Variants in KLHL35 observed in about 807,000 individuals in gnomAD.
KLHL35 encodes the protein kelch-like protein 35.
Under a neutral mutation model 44.0 loss-of-function variants are expected in KLHL35, and 50 were observed. The ratio of observed to expected loss-of-function variants is 1.14; its 90% CI spans 0.91 to 1.44. The LOEUF (loss-of-function observed/expected upper bound fraction) is 1.44. Among genes scored for constraint, KLHL35 ranks in the 40% most tolerant of loss-of-function variants. The probability of loss-of-function intolerance (pLI) is 0.00; values close to 1 mark genes in which losing one functional copy is unlikely to be tolerated. For missense variants in KLHL35, 1,049 were observed against 887.8 expected (o/e 1.18, Z -2.31); for synonymous variants, 470 against 410.4 (o/e 1.15, Z -1.76).
intron 1 of KLHL35, among the ~76,000 whole-genome samples, chr11:75,431,248 G>A (rs1948535026): frequency 6.6e-6 from 1 of 152,184 alleles, no homozygotes; most frequent in African/African-American, 2.4e-5. Context: ...GTAGGTGCTG[G>A]ACACTGACCA....
In KLHL35 at chr11:75,429,735, G is replaced by C. The variant is rs780771786; in HGVS notation, c.881+14C>G. ...AAGAACGGAGGGCGGGAAGCTAGGG[G>C]ATGGCGGCCCTACCTCCGCGGCCGG... On this transcript the variant is annotated intron_variant, in intron 2 of 6. Transcript: ENST00000539798. 16 of 1,444,466 alleles carry C rather than the reference G, an allele frequency of 1.1e-5. No homozygotes were observed. In the South Asian group the frequency reaches 1.5e-4, roughly 14 times the overall value. The allele number at this position is 1,444,466 out of a possible 1,614,324, so 89.5% of individuals were successfully genotyped here.
intron 1 of KLHL35, among the ~76,000 whole-genome samples, chr11:75,431,102 G>A (rs551747825): frequency 2.0e-5 from 3 of 152,146 alleles, no homozygotes; most frequent in Admixed American, 6.5e-5. Context: ...GGAGGGTCCC[G>A]TGACAGGAGC....
chr11:75,430,582 C>A lies in KLHL35; in HGVS notation c.48G>T (p.Ala16=). 6.9e-7 allele frequency: 1 copy of A among 1,445,102 alleles called. No homozygotes were observed. Among genetic ancestry groups the A allele is most frequent in the South Asian group, 1.4e-5 (1 of 73,872 alleles). 89.5% of individuals were successfully genotyped at this position (1,445,102 alleles called of 1,614,324 possible). Residue 16 remains alanine, a synonymous_variant, in exon 2 of 7, where the codon GCG becomes GCT. Coordinates refer to ENST00000539798, the MANE Select transcript of KLHL35 (RefSeq NM_001039548.3). The part of the protein sequence containing the change: ...APEESEPGCE[A]PCAGPCHAQR... ...GCGCGTGGCACGGACCCGCGCACGGCGCTTCGCAGCCCGGCTCCGACTCCT... is the reference window on the plus strand; with the variant it reads ...GCGCGTGGCACGGACCCGCGCACGGAGCTTCGCAGCCCGGCTCCGACTCCT...
At chr11:75,428,406 A>G (rs759264938) in intron 3 of KLHL35, 36 bp downstream of exon 3, 3 of 1,609,566 alleles carry the variant, frequency 1.9e-6, no homozygotes, top group African/African-American at 1.3e-5. Flanking sequence ...CTACTAGTCA[A>G]TCCCGTGTGA....
At chr11:75,428,971 T>A (rs1948512896) in intron 2 of KLHL35, among the ~76,000 whole-genome samples, 1 of 152,234 alleles carries the variant, frequency 6.6e-6, no homozygotes, top group Non-Finnish European at 1.5e-5. Flanking sequence ...GGGAGGAAAC[T>A]GAGGCTCACA....
At chr11:75,424,197 TCAACACA>T (rs1355915524) in intron 5 of KLHL35, 1 of 309,404 alleles carries the variant, frequency 3.2e-6, no homozygotes, top group Non-Finnish European at 6.0e-6. Context: ...CCCTCACCCC[TCAACACA>T]CACACACAGG....
At position 75,433,029 on chromosome 11, in the gene KLHL35, C is replaced by T. The variant is rs1220499391; in HGVS notation, c.-2+14G>A. Among the ~76,000 whole-genome samples the T allele has an allele frequency of 6.6e-6, 1 of 152,224 alleles. No homozygotes were observed. Among genetic ancestry groups the T allele is most frequent in the African/African-American group, 2.4e-5 (1 of 41,452 alleles). On this transcript the variant is annotated intron_variant, in intron 1 of 6. Transcript: ENST00000539798. ...CCTGCAGCCTAAGCCTTGCCCCATG[C>T]ACCTGGCACTTACCTGGCCATACCC...
chr11:75,429,155 T>G (rs1948513923), intron 2 of KLHL35, among the ~76,000 whole-genome samples: 1 of 152,234 alleles, frequency 6.6e-6, no homozygotes, highest in African/African-American at 2.4e-5. Context: ...TAACTCACCC[T>G]TTCAGTAAAT....
chr11:75,428,809 T>C (rs1007492135), intron 2 of KLHL35, among the ~76,000 whole-genome samples, 183 bp from the exon 3 acceptor site: 1 of 148,066 alleles, frequency 6.8e-6, no homozygotes, highest in African/African-American at 2.5e-5. Flanking sequence ...CTGTGGGTAC[T>C]GGGAAGAGAA....
rs1297602227 is a variant in KLHL35 at position 75,430,132 on chromosome 11, C to T, written c.498G>A (p.Ser166=). ...LALRRVAAAF[S]LAPLAERCGR... ...CGCAGCGCTCGGCCAGCGGGGCCAG[C>T]GAGAAGGCGGCGGCCACGCGGCGCA... Residue 166 remains serine, a synonymous_variant, in exon 2 of 7, where the codon TCG becomes TCA. Transcript: ENST00000539798. 2 of 1,262,220 alleles carry T rather than the reference C, an allele frequency of 1.6e-6. No homozygotes were observed. The highest frequency in any genetic ancestry group is 2.0e-6 in the Non-Finnish European group (2 of 1,007,662). The allele number at this position is 1,262,220 out of a possible 1,614,324, so 78.2% of individuals were successfully genotyped here.
Position 75,430,231 on chromosome 11 carries a change from C to A in KLHL35, c.399G>T (p.Leu133=). 2.6e-5 allele frequency: 32 copies of A among 1,219,888 alleles called. No individual in the cohort carries two copies. The highest frequency in any genetic ancestry group is 3.2e-5 in the Non-Finnish European group (31 of 976,856). The allele number at this position is 1,219,888 out of a possible 1,614,324, so 75.6% of individuals were successfully genotyped here. ...AAAVLALAER[L]GVAGLREACV... ...AGGCCTCGCGCAGGCCCGCCACGCC[C>A]AGCCGCTCCGCCAGCGCCAGCACGG... is the stretch of plus-strand genomic sequence containing the variant. The change falls in exon 2 of 7, where the codon CTG becomes CTT. Residue 133 remains leucine, a synonymous_variant. Transcript: ENST00000539798.
intron 2 of KLHL35, among the ~76,000 whole-genome samples, chr11:75,429,481 C>G (rs949965302): frequency 6.6e-5 from 10 of 152,180 alleles, no homozygotes; most frequent in African/African-American, 2.4e-4. Context: ...ATCCCGGCAC[C>G]CTGCACAGAA....
intron 3 of KLHL35, 142 bp downstream of exon 3, chr11:75,428,300 C>T (rs1051576758): frequency 3.3e-6 from 3 of 919,180 alleles, no homozygotes; most frequent in Non-Finnish European, 4.8e-6. Flanking sequence ...GCGTAGTTAG[C>T]CCTGCTCACT....
Position 75,430,252 on chromosome 11 carries a change from C to T in KLHL35, c.378G>A (p.Val126=). The change falls in exon 2 of 7, where the codon GTG becomes GTA. Residue 126 remains valine, a synonymous_variant. Coordinates refer to ENST00000539798, the MANE Select transcript of KLHL35 (RefSeq NM_001039548.3). ...RLRAEDEAAA[V]LALAERLGVA... The stretch of plus-strand genomic sequence containing the variant: ...CGCCCAGCCGCTCCGCCAGCGCCAG[C>T]ACGGCCGCCGCCTCGTCCTCCGCGC... 8.3e-7 allele frequency: 1 copy of T among 1,211,872 alleles called. No homozygotes were observed. The highest frequency in any genetic ancestry group is 1.0e-6 in the Non-Finnish European group (1 of 974,192). The allele number at this position is 1,211,872 out of a possible 1,614,324, so 75.1% of individuals were successfully genotyped here.
chr11:75,430,377 C>T lies in KLHL35; in HGVS notation c.253G>A (p.Val85Met), dbSNP rs921704634. 9.4e-5 allele frequency: 128 copies of T among 1,361,440 alleles called. No homozygotes were observed. Among genetic ancestry groups the T allele is most frequent in the Non-Finnish European group, 1.2e-4 (125 of 1,054,166 alleles). 84.3% of individuals were successfully genotyped at this position (1,361,440 alleles called of 1,614,324 possible). Residue 85 changes from valine (V) to methionine (M), a missense_variant, in exon 2 of 7, where the codon GTG becomes ATG. By Grantham distance (21) the Val-to-Met change is conservative. Transcript: ENST00000539798. Reference protein sequence around the residue: ...PERGPAVVPVVPVAPEAPGTS... With the variant: ...PERGPAVVPVMPVAPEAPGTS... ...CCTGGCGCCTCGGGAGCTACTGGCA[C>T]CACTGGCACCACGGCCGGGCCGCGC...
At chr11:75,431,485 G>T (rs1040979475) in intron 1 of KLHL35, among the ~76,000 whole-genome samples, 2 of 152,122 alleles carry the variant, frequency 1.3e-5, no homozygotes, top group Non-Finnish European at 2.9e-5. Context: ...AGTCAGGGAG[G>T]GCGTCCCTGA....
intron 1 of KLHL35, among the ~76,000 whole-genome samples, chr11:75,431,181 G>A (rs565976): frequency 0.64 from 97,454 of 151,868 alleles, 32,193 homozygotes; most frequent in African/African-American, 0.8. Flanking sequence ...AGGGGAGAGA[G>A]GGTACAATAA....
chr11:75,429,804 G>C lies in KLHL35; in HGVS notation c.826C>G (p.Arg276Gly). The change falls in exon 2 of 7, where the codon CGC (arginine) becomes GGC (glycine). Residue 276 changes from arginine (R) to glycine (G), a missense_variant. Physicochemically the swap from Arg to Gly is moderately radical, Grantham distance 125. Transcript: ENST00000539798. ...GECRPLLLEARACFILGREAG... is the reference protein window; with the variant it reads ...GECRPLLLEAGACFILGREAG... ...TCGCGGCCCAGGATGAAGCAGGCGC[G>C]AGCCTCGAGCAGCAGCGGGCGGCAC... The C allele has an allele frequency of 6.6e-6, 10 of 1,511,554 alleles. No individual in the cohort carries two copies. The highest frequency in any genetic ancestry group is 8.8e-6 in the Non-Finnish European group (10 of 1,136,872). 93.6% of individuals were successfully genotyped at this position (1,511,554 alleles called of 1,614,324 possible).
chr11:75,423,513 G>C (rs1948467217), intron 6 of KLHL35, 179 bp downstream of exon 6: 8 of 619,946 alleles, frequency 1.3e-5, no homozygotes, highest in Non-Finnish European at 1.4e-5. Context: ...GCCAGGTGCT[G>C]AACCTCTCTA....
Sources: gnomAD v4.1 joint callset for allele counts (sites outside exome capture counted in the v4.1 genomes callset) on GRCh38, gnomAD v4.1.1 for gene constraint, MANE v1.5 for transcripts, NCBI Gene and HGNC (gene_info 2026-07-23, HGNC 2026-07-21) for gene names.